Variants in LRP1B observed in about 807,000 individuals in gnomAD.
LRP1B encodes low-density lipoprotein receptor-related protein 1B.
A neutral mutation model predicts 556.6 loss-of-function variants in LRP1B; 217 were observed. That is an observed-to-expected ratio of 0.39 (90% confidence interval 0.35 to 0.44). The LOEUF (loss-of-function observed/expected upper bound fraction) is 0.44, where lower values mean the gene tolerates loss of function less well. LRP1B is among the 20% of genes least tolerant of loss of function. The pLI is 1.00. For synonymous variants in LRP1B, 2,047 were observed against 1,865.8 expected (o/e 1.10, Z -2.50); for missense variants, 5,053 against 5,620.8 (o/e 0.90, Z 3.23).
chr2:142,120,489 T>G (rs1419869749), intron 1 of LRP1B, among the ~76,000 whole-genome samples: 6 of 152,124 alleles, frequency 3.9e-5, no homozygotes, highest in Admixed American at 3.9e-4. Context: ...TTTCTTCCCT[T>G]TTTCCTAATT....
intron 7 of LRP1B, among the ~76,000 whole-genome samples, chr2:141,172,993 A>G (rs1291063908): frequency 1.3e-5 from 2 of 151,972 alleles, no homozygotes; most frequent in Non-Finnish European, 2.9e-5. Context: ...AATGATTCCT[A>G]AAGTATTATT....
In LRP1B at chr2:141,136,568, A is replaced by G. The variant is rs1304706858; in HGVS notation, c.1013+51853T>C. On this transcript the variant is annotated intron_variant, in intron 7 of 90. Coordinates refer to ENST00000389484, the MANE Select transcript of LRP1B (RefSeq NM_018557.3). ...TATAATTCATTATTCGAAACAATTT[A>G]ATAAGTTTCTACTATGTACCAGGCA... Among the ~76,000 whole-genome samples the G allele has an allele frequency of 2.0e-5, 3 of 151,034 alleles. No homozygotes were observed. The East Asian group carries it at 5.8e-4, about 29-fold the overall frequency.
At chr2:140,338,483 T>C (rs1249474082) in intron 77 of LRP1B, among the ~76,000 whole-genome samples, 1 of 151,748 alleles carries the variant, frequency 6.6e-6, no homozygotes, top group African/African-American at 2.4e-5. Context: ...TCTCAACCTA[T>C]GGCCAAATTA....
intron 41 of LRP1B, among the ~76,000 whole-genome samples, chr2:140,675,525 G>A (rs767609487): frequency 6.6e-5 from 10 of 152,136 alleles, no homozygotes; most frequent in Non-Finnish European, 1.5e-4. Context: ...TTAATGTGCT[G>A]AAAGTTACCA....
intron 2 of LRP1B, among the ~76,000 whole-genome samples, chr2:141,701,765 G>A (rs567953124): frequency 4.6e-5 from 7 of 151,864 alleles, no homozygotes; most frequent in Admixed American, 2.0e-4. Context: ...AAACTAACAC[G>A]GGAAGTTGAC....
At chr2:141,722,707 C>T (rs1692868373) in intron 2 of LRP1B, among the ~76,000 whole-genome samples, 2 of 149,912 alleles carry the variant, frequency 1.3e-5, no homozygotes, top group Admixed American at 1.3e-4. Context: ...ACATATAAGA[C>T]AGATAGACAG....
intron 1 of LRP1B, among the ~76,000 whole-genome samples, chr2:141,917,987 T>A (rs1021657469): frequency 1.3e-5 from 2 of 152,082 alleles, no homozygotes; most frequent in African/African-American, 4.8e-5. Flanking sequence ...GCAATATAAA[T>A]CATAAACATT....
chr2:140,314,636 CAT>C (rs1437366835), intron 83 of LRP1B, among the ~76,000 whole-genome samples: 4 of 152,012 alleles, frequency 2.6e-5, no homozygotes, highest in African/African-American at 9.7e-5. Context: ...TGGGGTCAAA[CAT>C]AGTAAGCTTG....
intron 7 of LRP1B, among the ~76,000 whole-genome samples, chr2:141,154,124 G>T (rs1303743897): frequency 2.0e-5 from 3 of 151,764 alleles, no homozygotes; most frequent in African/African-American, 7.2e-5. Context: ...TTGTTCACTT[G>T]TTCAGTTCAA....
Position 141,449,545 on chromosome 2 carries a change from G to A in LRP1B, c.343+30851C>T, listed in dbSNP as rs142334160. On this transcript the variant is annotated intron_variant, in intron 3 of 90. Transcript: ENST00000389484. The stretch of plus-strand genomic sequence containing the variant: ...AATATCTTCCTAACTCTACTTTGCC[G>A]TCCCTACATATTCTAATTGTGTTGA... 3.6e-3 allele frequency among the ~76,000 whole-genome samples: 540 copies of A among 151,944 alleles called. 3 individuals are homozygous for A. Among genetic ancestry groups the A allele is most frequent in the Middle Eastern group, 0.024 (7 of 294 alleles).
intron 3 of LRP1B, among the ~76,000 whole-genome samples, chr2:141,459,051 A>G (rs1573967662): frequency 6.6e-6 from 1 of 152,056 alleles, no homozygotes; most frequent in East Asian, 1.9e-4. Context: ...TCACCGTGTC[A>G]GTTTCTGATC....
At chr2:141,201,478 C>T (rs1244897915) in intron 6 of LRP1B, among the ~76,000 whole-genome samples, 1 of 152,096 alleles carries the variant, frequency 6.6e-6, no homozygotes, top group South Asian at 2.1e-4. Flanking sequence ...GACACCTAGT[C>T]CACGGTTTTA....
At chr2:140,291,318 A>ATATATTTTTTTTT (rs369391920) in intron 84 of LRP1B, among the ~76,000 whole-genome samples, 2,422 of 109,274 alleles carry the variant, frequency 0.022, 89 homozygotes, top group South Asian at 0.037. Flanking sequence ...ATATATATAT[A>ATATATTTTTTTTT]TTTTTATTAT....
chr2:141,507,768 T>A (rs952277977), intron 2 of LRP1B, among the ~76,000 whole-genome samples: 2 of 152,128 alleles, frequency 1.3e-5, no homozygotes, highest in Non-Finnish European at 2.9e-5. Context: ...AAAAATATTA[T>A]GTTTTTAAAT....
intron 1 of LRP1B, among the ~76,000 whole-genome samples, chr2:142,116,868 AGCTT>A (rs1246137834): frequency 6.6e-6 from 1 of 152,182 alleles, no homozygotes; most frequent in Non-Finnish European, 1.5e-5. Flanking sequence ...GTTTAGTCAC[AGCTT>A]CCCAAGGAAC....
chr2:141,133,269 T>C (rs1161544500), intron 7 of LRP1B, among the ~76,000 whole-genome samples: 1 of 147,084 alleles, frequency 6.8e-6, no homozygotes, highest in Non-Finnish European at 1.5e-5. Flanking sequence ...GTAGCAATTA[T>C]CATAGCTACC....
At chr2:140,312,229 G>C (rs554502755) in intron 83 of LRP1B, among the ~76,000 whole-genome samples, 165 of 152,012 alleles carry the variant, frequency 1.1e-3, no homozygotes, top group Non-Finnish European at 1.9e-3. Flanking sequence ...CTAGCTAGCT[G>C]TGCTTTTGCA....
chr2:140,901,452 A>T (rs1042248944), intron 23 of LRP1B, among the ~76,000 whole-genome samples: 1 of 151,840 alleles, frequency 6.6e-6, no homozygotes, highest in Non-Finnish European at 1.5e-5. Flanking sequence ...GGCCCCAGTT[A>T]GTTGCTACCT....
chr2:141,686,989 C>T (rs1272969155), intron 2 of LRP1B, among the ~76,000 whole-genome samples: 4 of 151,900 alleles, frequency 2.6e-5, no homozygotes, highest in Admixed American at 6.6e-5. Context: ...TCTCAGCCTT[C>T]ATAACTGCAA....
Sources: allele counts gnomAD v4.1 joint callset (sites outside exome capture counted in the v4.1 genomes callset), GRCh38; gene constraint gnomAD v4.1.1; transcripts MANE v1.5; gene names NCBI Gene and HGNC (gene_info 2026-07-23, HGNC 2026-07-21).